Variants in SPOCK3 observed in about 807,000 individuals in gnomAD.
The protein encoded by SPOCK3 is SPARC (osteonectin), cwcv and kazal like domains proteoglycan 3.
SPOCK3 carries 30 observed loss-of-function variants against 56.6 expected under a neutral mutation model. The observed-to-expected ratio is 0.53, with a 90% CI of 0.40 to 0.72. The LOEUF is 0.72. SPOCK3 is among the 30% of genes least tolerant of loss of function. The pLI is 0.00. For missense variants in SPOCK3, 527 were observed against 530.0 expected (o/e 0.99, Z 0.06); for synonymous variants, 196 against 183.3 (o/e 1.07, Z -0.56).
At chr4:167,214,042 C>T (rs374443021) in intron 2 of SPOCK3, among the ~76,000 whole-genome samples, 1 of 152,060 alleles carries the variant, frequency 6.6e-6, no homozygotes, top group African/African-American at 2.4e-5. Flanking sequence ...TGATTTGATA[C>T]CAAATTACGT....
intron 2 of SPOCK3, among the ~76,000 whole-genome samples, chr4:167,078,098 G>C (rs1757359096): frequency 6.6e-6 from 1 of 151,834 alleles, no homozygotes; most frequent in Admixed American, 6.6e-5. Context: ...AGTTTGACAT[G>C]ATCAGGGTCA....
chr4:166,818,298 C>A (rs533017258), intron 6 of SPOCK3, among the ~76,000 whole-genome samples: 32 of 151,828 alleles, frequency 2.1e-4, no homozygotes, highest in African/African-American at 7.5e-4. Context: ...AAAGAGGATC[C>A]TTTTAAATCT....
chr4:166,955,595 A>C (rs1464440587), intron 4 of SPOCK3, among the ~76,000 whole-genome samples: 2 of 145,292 alleles, frequency 1.4e-5, no homozygotes, highest in African/African-American at 5.0e-5. Flanking sequence ...TATTAAATTT[A>C]ATATAATCAA....
intron 2 of SPOCK3, among the ~76,000 whole-genome samples, chr4:167,189,125 C>T (rs1158204648): frequency 6.9e-6 from 1 of 145,700 alleles, no homozygotes; most frequent in Admixed American, 7.1e-5. Context: ...ACACACATTA[C>T]AAGAAAACTA....
At chr4:166,809,447 C>T (rs1184988266) in intron 6 of SPOCK3, among the ~76,000 whole-genome samples, 1 of 151,972 alleles carries the variant, frequency 6.6e-6, no homozygotes, top group Non-Finnish European at 1.5e-5. Flanking sequence ...TTAACATCAT[C>T]CTATGGCTAA....
At position 167,220,726 on chromosome 4, in the gene SPOCK3, AT is replaced by A. The variant is rs1163934250; in HGVS notation, c.189+13258del. Among the ~76,000 whole-genome samples, 7 of 152,102 alleles carry A rather than the reference AT, an allele frequency of 4.6e-5. No individual in the cohort carries two copies. The East Asian group carries it at 1.4e-3, about 29-fold the overall frequency. ...ACAGCTATTTCTGACCACATAAGAT[AT>A]TCAGACCTGCACTTTGATATCAAAA... On this transcript the variant is annotated intron_variant, in intron 2 of 10. Transcript: ENST00000357545.
At position 167,135,346 on chromosome 4, in the gene SPOCK3, T is replaced by C. The variant is rs118106954; in HGVS notation, c.190-72809A>G. On this transcript the variant is annotated intron_variant, in intron 2 of 10. Coordinates refer to ENST00000357545, the MANE Select transcript of SPOCK3 (RefSeq NM_001040159.2). ...ATGACAATGTTCAATTTTTAAAACG[T>C]AGCACACATGGGAGGAAGAAAGTAA... 8.5e-5 allele frequency among the ~76,000 whole-genome samples: 13 copies of C among 152,268 alleles called. No individual in the cohort carries two copies. The East Asian group carries it at 2.5e-3, about 29-fold the overall frequency.
At chr4:167,134,016 CTTTT>C (rs1318509653) in intron 2 of SPOCK3, among the ~76,000 whole-genome samples, 13 of 142,362 alleles carry the variant, frequency 9.1e-5, no homozygotes, top group African/African-American at 2.4e-4. Context: ...ACTTTTACAC[CTTTT>C]TCTTTTTTTT....
chr4:166,962,340 G>C (rs1490791512), intron 4 of SPOCK3, among the ~76,000 whole-genome samples: 1 of 152,088 alleles, frequency 6.6e-6, no homozygotes, highest in South Asian at 2.1e-4. Flanking sequence ...GTGTTAAGGT[G>C]TCACATGGCC....
chr4:166,935,193 C>T (rs1038094299), intron 4 of SPOCK3, among the ~76,000 whole-genome samples: 3 of 152,096 alleles, frequency 2.0e-5, no homozygotes, highest in Non-Finnish European at 4.4e-5. Context: ...CAAGAACAGG[C>T]CCTGACTGTT....
intron 2 of SPOCK3, among the ~76,000 whole-genome samples, chr4:167,177,947 C>T: frequency 6.6e-6 from 1 of 152,128 alleles, no homozygotes; most frequent in East Asian, 1.9e-4. Flanking sequence ...GGGCTGCTTT[C>T]CTCTTTTTCT....
At chr4:167,083,288 T>C (rs766926127) in intron 2 of SPOCK3, 2 of 764,924 alleles carry the variant, frequency 2.6e-6, no homozygotes, top group Non-Finnish European at 4.8e-6. Context: ...GCCCAAATCC[T>C]GTGTCAGGTT....
At chr4:167,091,059 C>G (rs1758660096) in intron 2 of SPOCK3, among the ~76,000 whole-genome samples, 1 of 152,136 alleles carries the variant, frequency 6.6e-6, no homozygotes, top group Non-Finnish European at 1.5e-5. Context: ...TTAGTGCAGA[C>G]TTGGCCAAAT....
intron 3 of SPOCK3, among the ~76,000 whole-genome samples, chr4:167,053,482 C>T (rs115969673): frequency 0.014 from 2,131 of 152,004 alleles, 18 homozygotes; most frequent in Non-Finnish European, 0.018. Flanking sequence ...TTCAAGAGTT[C>T]GAGACCACCC....
chr4:166,872,867 T>C (rs1231639488), intron 6 of SPOCK3, among the ~76,000 whole-genome samples: 3 of 152,176 alleles, frequency 2.0e-5, no homozygotes, highest in African/African-American at 4.8e-5. Flanking sequence ...GAGGGTCTTA[T>C]GCTGCTTCAA....
chr4:167,187,921 T>G (rs1183888367), intron 2 of SPOCK3, among the ~76,000 whole-genome samples: 1 of 151,850 alleles, frequency 6.6e-6, no homozygotes, highest in African/African-American at 2.4e-5. Context: ...CATGCAAGGG[T>G]AAGGGGAAGA....
At chr4:166,946,944 G>T (rs966932685) in intron 4 of SPOCK3, among the ~76,000 whole-genome samples, 3 of 152,080 alleles carry the variant, frequency 2.0e-5, no homozygotes, top group Non-Finnish European at 2.9e-5. Context: ...AAAATATTTT[G>T]ATTTAAGATG....
intron 4 of SPOCK3, among the ~76,000 whole-genome samples, chr4:166,950,937 T>A (rs1301703456): frequency 1.5e-5 from 2 of 131,928 alleles, no homozygotes; most frequent in Non-Finnish European, 3.1e-5. Flanking sequence ...TTCAAAGCAG[T>A]GTGTAGAGGG....
At chr4:166,968,073 G>A (rs1284810815) in intron 4 of SPOCK3, among the ~76,000 whole-genome samples, 1 of 152,106 alleles carries the variant, frequency 6.6e-6, no homozygotes, top group East Asian at 1.9e-4. Flanking sequence ...GATGATTTAG[G>A]GTAGCTGGTG....
Sources: gnomAD v4.1 joint callset for allele counts (sites outside exome capture counted in the v4.1 genomes callset) on GRCh38, gnomAD v4.1.1 for gene constraint, MANE v1.5 for transcripts, NCBI Gene and HGNC (gene_info 2026-07-23, HGNC 2026-07-21) for gene names.